The following STK35 variants were observed in gnomAD, a reference collection of about 807,000 sequenced individuals.
STK35 encodes serine/threonine-protein kinase 35.
In STK35, 17 loss-of-function variants were observed where a neutral mutation model predicts 37.3. That is an observed-to-expected ratio of 0.46 (90% CI 0.31 to 0.68). The LOEUF is 0.68. STK35 is among the 30% of genes least tolerant of loss of function. The pLI is 0.05. For synonymous variants in STK35, 385 were observed against 319.1 expected (o/e 1.21, Z -2.20); for missense variants, 595 against 746.7 (o/e 0.80, Z 2.37).
Position 2,145,536 on chromosome 20 carries a change from C to T in STK35, c.*1790C>T, listed in dbSNP as rs1986248353. 6.6e-6 allele frequency: 1 copy of T among 152,192 alleles called. No homozygotes were observed. The highest frequency in any genetic ancestry group is 2.1e-4 in the South Asian group (1 of 4,830). 9.4% of individuals were successfully genotyped at this position (152,192 alleles called of 1,614,324 possible). A position where few individuals can be genotyped will look rare whatever the true frequency, so the allele number is the denominator to read the frequency against. On this transcript the variant is annotated 3_prime_UTR_variant, in exon 4 of 4. Transcript: ENST00000381482. ...TGCTCACATTCTTTCAGCCTTCTGT[C>T]ACCCCCCTCAACACCAAACTTTCTT...
chr20:2,120,637 C>G (rs540049394), intron 3 of STK35, among the ~76,000 whole-genome samples: 1 of 152,338 alleles, frequency 6.6e-6, no homozygotes, highest in East Asian at 1.9e-4. Context: ...CTCCCTTTCC[C>G]CTGCCAAGTT....
In STK35 at chr20:2,104,330, C is replaced by T. The variant is rs577216079; in HGVS notation, c.892+965C>T. On this transcript the variant is annotated intron_variant, in intron 2 of 3. Transcript: ENST00000381482. ...GGAAGAAAGTTTACTAATCCGAGTC[C>T]CAGCTGTGGTCTCAGTGCTGAAGTA... Among the ~76,000 whole-genome samples the T allele has an allele frequency of 2.0e-5, 3 of 152,248 alleles. 1 individual carries two copies. Among genetic ancestry groups the T allele is most frequent in the Admixed American group, 2.0e-4 (3 of 15,296 alleles).
In STK35 at chr20:2,144,562, C is replaced by T. The variant is rs1382737200; in HGVS notation, c.*816C>T. ...AAGGGTGGAGGGCGACCATCTCGCTCTTGCTGGCGGTGGAGCAGCCATCCC... is the reference window on the plus strand; with the variant it reads ...AAGGGTGGAGGGCGACCATCTCGCTTTTGCTGGCGGTGGAGCAGCCATCCC... On this transcript the variant is annotated 3_prime_UTR_variant, in exon 4 of 4. Transcript: ENST00000381482. 6.5e-6 allele frequency: 1 copy of T among 152,836 alleles called. No individual in the cohort carries two copies. Among genetic ancestry groups the T allele is most frequent in the Non-Finnish European group, 1.5e-5 (1 of 68,136 alleles). 9.5% of individuals were successfully genotyped at this position (152,836 alleles called of 1,614,324 possible).
chr20:2,141,170 G>A (rs929369943), intron 3 of STK35, among the ~76,000 whole-genome samples: 6 of 152,202 alleles, frequency 3.9e-5, no homozygotes, highest in Non-Finnish European at 7.3e-5. Context: ...CGGAAAGCAC[G>A]GAGAGAAAGC....
intron 3 of STK35, among the ~76,000 whole-genome samples, chr20:2,137,632 G>T (rs558559088): frequency 1.3e-5 from 2 of 152,054 alleles, no homozygotes; most frequent in African/African-American, 4.8e-5. Flanking sequence ...CCATTCCTTC[G>T]ACCCTGACAA....
At position 2,148,428 on chromosome 20, in the gene STK35, T is replaced by C. The variant is rs1407982162; in HGVS notation, c.*4682T>C. On this transcript the variant is annotated 3_prime_UTR_variant, in exon 4 of 4. Transcript: ENST00000381482. ...TTACTTGGGTTGGTATGATACATTATATTTAAGTTCCTTGAACACTGTGGA... is the reference window on the plus strand; with the variant it reads ...TTACTTGGGTTGGTATGATACATTACATTTAAGTTCCTTGAACACTGTGGA... 1 of 152,688 alleles carries C rather than the reference T, an allele frequency of 6.5e-6. No individual in the cohort carries two copies. Among genetic ancestry groups the C allele is most frequent in the Non-Finnish European group, 1.5e-5 (1 of 68,048 alleles). 9.5% of individuals were successfully genotyped at this position (152,688 alleles called of 1,614,324 possible).
chr20:2,110,671 C>T (rs1157143953), intron 2 of STK35, among the ~76,000 whole-genome samples: 1 of 152,120 alleles, frequency 6.6e-6, no homozygotes, highest in African/African-American at 2.4e-5. Context: ...CTAAGACTTC[C>T]TATATGTATT....
At chr20:2,120,388 T>A (rs1301744681) in intron 3 of STK35, among the ~76,000 whole-genome samples, 1 of 152,214 alleles carries the variant, frequency 6.6e-6, no homozygotes, top group Non-Finnish European at 1.5e-5. Context: ...CCCAGGCTGT[T>A]TTGTTAATTC....
At chr20:2,121,983 A>G (rs867776508) in intron 3 of STK35, among the ~76,000 whole-genome samples, 45 of 152,206 alleles carry the variant, frequency 3.0e-4, no homozygotes, top group African/African-American at 1.0e-3. Context: ...TTTTGAATTT[A>G]CGGACTCCAA....
rs1392688707 is a variant in STK35 at position 2,145,595 on chromosome 20, G to A, written c.*1849G>A. On this transcript the variant is annotated 3_prime_UTR_variant, in exon 4 of 4. Coordinates refer to ENST00000381482, the MANE Select transcript of STK35 (RefSeq NM_080836.4). ...GCAGAAGGTTGGCTGCTGTTAGCAGGATCCCACAGTGATAACCAGGCCCTT... is the reference window on the plus strand; with the variant it reads ...GCAGAAGGTTGGCTGCTGTTAGCAGAATCCCACAGTGATAACCAGGCCCTT... 6.6e-6 allele frequency: 1 copy of A among 152,122 alleles called. No homozygotes were observed. Among genetic ancestry groups the A allele is most frequent in the Non-Finnish European group, 1.5e-5 (1 of 68,044 alleles). The allele number at this position is 152,122 out of a possible 1,614,324, so 9.4% of individuals were successfully genotyped here. A position where few individuals can be genotyped will look rare whatever the true frequency, so the allele number is the denominator to read the frequency against.
At chr20:2,136,634 G>A (rs1373825235) in intron 3 of STK35, among the ~76,000 whole-genome samples, 2 of 152,230 alleles carry the variant, frequency 1.3e-5, no homozygotes, top group African/African-American at 4.8e-5. Flanking sequence ...CATGTGGAAT[G>A]AATGATTCTG....
At chr20:2,114,267 G>A (rs148288958) in intron 2 of STK35, among the ~76,000 whole-genome samples, 11 of 152,192 alleles carry the variant, frequency 7.2e-5, no homozygotes, top group Admixed American at 2.0e-4. Context: ...GAGGCCAGGT[G>A]CTATTGAGAA....
chr20:2,126,451 A>G (rs1985908585), intron 3 of STK35, among the ~76,000 whole-genome samples: 1 of 152,176 alleles, frequency 6.6e-6, no homozygotes, highest in South Asian at 2.1e-4. Context: ...CGCAGGAGCC[A>G]CATCTCAGGG....
intron 3 of STK35, among the ~76,000 whole-genome samples, chr20:2,125,203 G>A (rs1308328181): frequency 1.3e-5 from 2 of 152,174 alleles, no homozygotes; most frequent in African/African-American, 4.8e-5. Flanking sequence ...GTTCAGGGGT[G>A]CTTCCAACTC....
At chr20:2,130,193 G>A (rs770526803) in intron 3 of STK35, among the ~76,000 whole-genome samples, 4 of 152,108 alleles carry the variant, frequency 2.6e-5, no homozygotes, top group South Asian at 2.1e-4. Flanking sequence ...ACATGAGACC[G>A]TACTCTCTCT....
At chr20:2,124,286 A>C (rs1985867454) in intron 3 of STK35, among the ~76,000 whole-genome samples, 1 of 152,182 alleles carries the variant, frequency 6.6e-6, no homozygotes, top group South Asian at 2.1e-4. Context: ...ATATGGTGAT[A>C]AGCAGCCAGG....
intron 3 of STK35, among the ~76,000 whole-genome samples, chr20:2,134,617 G>A (rs1022932359): frequency 2.8e-4 from 43 of 152,066 alleles, no homozygotes; most frequent in Middle Eastern, 6.9e-3. Flanking sequence ...GGGGCCTGGC[G>A]CGGTGGCTCA....
chr20:2,111,619 C>T (rs1985620579), intron 2 of STK35, among the ~76,000 whole-genome samples: 1 of 152,192 alleles, frequency 6.6e-6, no homozygotes, highest in African/African-American at 2.4e-5. Context: ...AGGAGGCTCC[C>T]TTGAGCCCAG....
rs577582298 is a variant in STK35, at chr20:2,141,997, T to G, written c.*38-1787T>G. Among the ~76,000 whole-genome samples, 27 of 152,348 alleles carry G rather than the reference T, an allele frequency of 1.8e-4. No individual in the cohort carries two copies. The South Asian group carries it at 5.6e-3, about 32-fold the overall frequency. ...TTTCAGGAGTAGAATTTCAGGGAGC[T>G]ACCAATCTAAACACCTTTGAAGCCC... On this transcript the variant is annotated intron_variant, in intron 3 of 3. Coordinates refer to ENST00000381482, the MANE Select transcript of STK35 (RefSeq NM_080836.4).
Sources: allele counts gnomAD v4.1 joint callset (sites outside exome capture counted in the v4.1 genomes callset), GRCh38; gene constraint gnomAD v4.1.1; transcripts MANE v1.5; gene names NCBI Gene and HGNC (gene_info 2026-07-23, HGNC 2026-07-21).